Variants in UBOX5 observed in about 807,000 individuals in gnomAD.
UBOX5 encodes U-box domain containing 5.
A neutral mutation model predicts 39.0 loss-of-function variants in UBOX5; 28 were observed. The observed-to-expected ratio is 0.72, with a 90% CI of 0.53 to 0.98. The LOEUF (loss-of-function observed/expected upper bound fraction) is 0.98, where lower values mean the gene tolerates loss of function less well. UBOX5 is among the 50% of genes least tolerant of loss of function. UBOX5 has a pLI of 0.00. For synonymous variants in UBOX5, 283 were observed against 275.5 expected (o/e 1.03, Z -0.27); for missense variants, 585 against 674.4 (o/e 0.87, Z 1.47).
chr20:3,120,876 C>T (rs2066329934), intron 3 of UBOX5, among the ~76,000 whole-genome samples: 1 of 152,032 alleles, frequency 6.6e-6, no homozygotes, highest in African/African-American at 2.4e-5. Flanking sequence ...GTGAGGGGGG[C>T]GCACAGAGAA....
At chr20:3,140,910 T>G (rs1176587636) in intron 1 of UBOX5, among the ~76,000 whole-genome samples, 5 of 149,260 alleles carry the variant, frequency 3.3e-5, no homozygotes, top group African/African-American at 5.0e-5. Context: ...TTTTTAGGGT[T>G]GCCAGATTTT....
intron 1 of UBOX5, among the ~76,000 whole-genome samples, chr20:3,139,603 C>T (rs1248364600): frequency 6.6e-6 from 1 of 150,926 alleles, no homozygotes; most frequent in African/African-American, 2.4e-5. Context: ...TGTTTGCCAG[C>T]CTGGTCTTAA....
intron 1 of UBOX5, among the ~76,000 whole-genome samples, chr20:3,127,677 C>T (rs1311056733): frequency 6.6e-6 from 1 of 152,116 alleles, no homozygotes; most frequent in African/African-American, 2.4e-5. Flanking sequence ...CTTCTGAATA[C>T]TTCTTTATGC....
intron 4 of UBOX5, among the ~76,000 whole-genome samples, chr20:3,112,864 G>A (rs1298609714): frequency 1.3e-5 from 2 of 152,140 alleles, no homozygotes; most frequent in African/African-American, 2.4e-5. Context: ...TACTCAGAAG[G>A]CTGAGACAGG....
At chr20:3,148,496 T>A in intron 1 of UBOX5, 1 of 1,614,154 alleles carries the variant, frequency 6.2e-7, no homozygotes, top group African/African-American at 1.3e-5. Flanking sequence ...CACACTCAGC[T>A]GGCAGAGCAG....
At chr20:3,111,417 C>T (rs549819331) in intron 4 of UBOX5, among the ~76,000 whole-genome samples, 13 of 152,324 alleles carry the variant, frequency 8.5e-5, no homozygotes, top group Admixed American at 3.9e-4. Flanking sequence ...TCAAAGCTGC[C>T]TCCAATGACC....
chr20:3,157,861 A>G (rs2066703209), intron 1 of UBOX5, among the ~76,000 whole-genome samples: 1 of 152,184 alleles, frequency 6.6e-6, no homozygotes, highest in Admixed American at 6.5e-5. Context: ...GCTGTATAGT[A>G]CATACTTCAG....
Position 3,110,030 on chromosome 20 carries a change from A to T in UBOX5, c.*76T>A. On this transcript the variant is annotated 3_prime_UTR_variant, in exon 5 of 5. Transcript: ENST00000217173. ...TGTGCCTGGGGCCTGGCCAGACCTC[A>T]GGGGTGCTGTGGCCCTGCTCCTGTT... The T allele has an allele frequency of 6.4e-7, 1 of 1,566,064 alleles. No individual in the cohort carries two copies. Among genetic ancestry groups the T allele is most frequent in the Non-Finnish European group, 8.7e-7 (1 of 1,152,068 alleles).
chr20:3,110,090 A>C lies in UBOX5; in HGVS notation c.*16T>G. 1.2e-6 allele frequency: 2 copies of C among 1,609,386 alleles called. No individual in the cohort carries two copies. Among genetic ancestry groups the C allele is most frequent in the Non-Finnish European group, 1.7e-6 (2 of 1,179,950 alleles). ...CTCCTCCCAGCAATGGGTCTCCTCC[A>C]GTGGAGGTCAGTCACTCAGAAGTGG... On this transcript the variant is annotated 3_prime_UTR_variant, in exon 5 of 5. Transcript: ENST00000217173.
Position 3,156,860 on chromosome 20 carries a change from T to C in UBOX5, c.-42+2906A>G, listed in dbSNP as rs573179244. 2.0e-5 allele frequency: 3 copies of C among 152,374 alleles called. No homozygotes were observed. The South Asian group carries it at 6.2e-4, about 32-fold the overall frequency. The allele number at this position is 152,374 out of a possible 1,614,324, so 9.4% of individuals were successfully genotyped here. A position where few individuals can be genotyped will look rare whatever the true frequency, so the allele number is the denominator to read the frequency against. On this transcript the variant is annotated intron_variant, in intron 1 of 4. Transcript: ENST00000217173. ...CTTACCAGATCTGATCCCTCAATTC[T>C]AACACTTTTCCTTTCTATGTCCCAA...
chr20:3,131,112 CCA>C (rs775553623), intron 1 of UBOX5, among the ~76,000 whole-genome samples: 1 of 151,810 alleles, frequency 6.6e-6, no homozygotes, highest in Non-Finnish European at 1.5e-5. Context: ...GCCTGTAGCC[CCA>C]GTTACTCGGG....
At chr20:3,110,615 A>G (rs2066246184) in intron 4 of UBOX5, 1 of 427,678 alleles carries the variant, frequency 2.3e-6, no homozygotes, top group Non-Finnish European at 4.4e-6. Context: ...AGCAAGGTTT[A>G]CTTTCCCCTG....
chr20:3,153,534 T>C (rs890192027), intron 1 of UBOX5, among the ~76,000 whole-genome samples: 16 of 152,238 alleles, frequency 1.1e-4, no homozygotes, highest in African/African-American at 3.9e-4. Flanking sequence ...TTAAAGACTG[T>C]CTGACTCTTC....
In UBOX5 at chr20:3,148,021, A is replaced by AT. The variant is rs1368346622; in HGVS notation, c.-42+11744dup. 6 of 1,614,108 alleles carry AT rather than the reference A, an allele frequency of 3.7e-6. No homozygotes were observed. In the African/African-American group the frequency reaches 8.0e-5, roughly 22 times the overall value. ...TATTCACTAAGGAGCGACTACTCAG[A>AT]TGCTGAATGTTAGCACAAGCCAAGT... On this transcript the variant is annotated intron_variant, in intron 1 of 4. Transcript: ENST00000217173.
chr20:3,126,763 C>T (rs1158779366), intron 1 of UBOX5, among the ~76,000 whole-genome samples: 1 of 151,852 alleles, frequency 6.6e-6, no homozygotes, highest in Non-Finnish European at 1.5e-5. Context: ...AGGCCTGGCA[C>T]GGTGGCTCAT....
intron 3 of UBOX5, among the ~76,000 whole-genome samples, chr20:3,119,947 C>A (rs1415330377): frequency 6.6e-6 from 1 of 152,146 alleles, no homozygotes; most frequent in African/African-American, 2.4e-5. Flanking sequence ...GCAGAGGTCA[C>A]CCAGTGAACC....
At chr20:3,157,639 TAAC>T (rs1191592534) in intron 1 of UBOX5, among the ~76,000 whole-genome samples, 1 of 152,142 alleles carries the variant, frequency 6.6e-6, no homozygotes, top group Non-Finnish European at 1.5e-5. Flanking sequence ...CCTCTCCATA[TAAC>T]AACAGGCAGT....
At chr20:3,111,128 T>G (rs1278382067) in intron 4 of UBOX5, among the ~76,000 whole-genome samples, 1 of 152,172 alleles carries the variant, frequency 6.6e-6, no homozygotes, top group Non-Finnish European at 1.5e-5. Context: ...AGTGAGCAGC[T>G]CTGGCCATGC....
chr20:3,135,013 A>G (rs2066458909), intron 1 of UBOX5, among the ~76,000 whole-genome samples: 1 of 152,220 alleles, frequency 6.6e-6, no homozygotes, highest in Admixed American at 6.6e-5. Flanking sequence ...TAATTAGAAG[A>G]GAATACAAAA....
Sources: allele counts gnomAD v4.1 joint callset (sites outside exome capture counted in the v4.1 genomes callset), GRCh38; gene constraint gnomAD v4.1.1; transcripts MANE v1.5; gene names NCBI Gene and HGNC (gene_info 2026-07-23, HGNC 2026-07-21).